The following PDE4D variants were observed in gnomAD, a reference collection of about 807,000 sequenced individuals.
The protein encoded by PDE4D is 3',5'-cyclic-AMP phosphodiesterase 4D.
In PDE4D, 24 loss-of-function variants were observed where a neutral mutation model predicts 87.4. The observed-to-expected ratio is 0.27, with a 90% CI of 0.20 to 0.39. The LOEUF (loss-of-function observed/expected upper bound fraction) is 0.39. PDE4D is among the 10% of genes least tolerant of loss of function. PDE4D has a pLI of 1.00. For synonymous variants in PDE4D, 384 were observed against 383.2 expected (o/e 1.00, Z -0.02); for missense variants, 714 against 1,041.0 (o/e 0.69, Z 4.32).
intron 6 of PDE4D, among the ~76,000 whole-genome samples, chr5:59,030,438 A>AC (rs920766860): frequency 6.6e-6 from 1 of 150,812 alleles, no homozygotes; most frequent in Non-Finnish European, 1.5e-5. Context: ...AAAAAAAAAA[A>AC]AAAAAAAACA....
At chr5:59,579,684 T>C (rs919217810) in intron 1 of PDE4D, among the ~76,000 whole-genome samples, 4 of 152,170 alleles carry the variant, frequency 2.6e-5, no homozygotes, top group Admixed American at 6.5e-5. Flanking sequence ...AGATGGTGAA[T>C]AGAGCTGAAT....
intron 5 of PDE4D, among the ~76,000 whole-genome samples, chr5:59,078,361 T>A (rs994209630): frequency 1.3e-5 from 2 of 152,192 alleles, no homozygotes; most frequent in Non-Finnish European, 2.9e-5. Flanking sequence ...TTTTGATTTT[T>A]AAAAATTACC....
chr5:58,983,725 TGCAGAGCA>T (rs1414757648), intron 11 of PDE4D, among the ~76,000 whole-genome samples: 4 of 152,200 alleles, frequency 2.6e-5, no homozygotes, highest in African/African-American at 9.7e-5. Context: ...GTGGCCCATG[TGCAGAGCA>T]GCTTGCACAG....
intron 2 of PDE4D, among the ~76,000 whole-genome samples, chr5:60,095,125 G>A (rs928298776): frequency 3.3e-5 from 5 of 152,072 alleles, no homozygotes; most frequent in African/African-American, 1.2e-4. Context: ...AGGTATACAC[G>A]TGCCATGGTG....
chr5:59,853,219 T>A (rs1465574790), intron 1 of PDE4D, among the ~76,000 whole-genome samples: 1 of 152,058 alleles, frequency 6.6e-6, no homozygotes, highest in African/African-American at 2.4e-5. Context: ...AGGAGGAATT[T>A]AAATGCCATA....
At chr5:59,944,116 G>A (rs79186801) in intron 3 of PDE4D, among the ~76,000 whole-genome samples, 3,953 of 152,316 alleles carry the variant, frequency 0.026, 169 homozygotes, top group African/African-American at 0.091. Flanking sequence ...CAACTCAGAG[G>A]AGACTAAGGA....
chr5:59,692,447 T>C (rs1323544482), intron 1 of PDE4D, among the ~76,000 whole-genome samples: 1 of 152,200 alleles, frequency 6.6e-6, no homozygotes, highest in East Asian at 1.9e-4. Flanking sequence ...AAAATCTTCA[T>C]CTTTTTCCAA....
At chr5:59,230,550 A>G (rs1013216150) in intron 1 of PDE4D, among the ~76,000 whole-genome samples, 2 of 152,246 alleles carry the variant, frequency 1.3e-5, no homozygotes, top group Non-Finnish European at 2.9e-5. Flanking sequence ...TTAAAATATT[A>G]TGTGTTAAGT....
chr5:60,062,771 T>C (rs528183110), intron 2 of PDE4D, among the ~76,000 whole-genome samples: 24 of 152,072 alleles, frequency 1.6e-4, no homozygotes, highest in Admixed American at 9.2e-4. Context: ...TGCAGGGACA[T>C]GGATGAAGCT....
chr5:60,188,687 A>G (rs1016530678), intron 1 of PDE4D, among the ~76,000 whole-genome samples: 3 of 152,178 alleles, frequency 2.0e-5, no homozygotes, highest in Non-Finnish European at 4.4e-5. Flanking sequence ...AAAAATCTCT[A>G]TAATGTATCA....
chr5:59,440,490 T>C (rs945682996), intron 1 of PDE4D, among the ~76,000 whole-genome samples: 15 of 152,204 alleles, frequency 9.9e-5, no homozygotes, highest in African/African-American at 3.6e-4. Flanking sequence ...GAATTTTTCA[T>C]GTAACACTGG....
intron 1 of PDE4D, among the ~76,000 whole-genome samples, chr5:59,871,838 C>T (rs1010587576): frequency 1.3e-5 from 2 of 152,126 alleles, no homozygotes; most frequent in Non-Finnish European, 2.9e-5. Flanking sequence ...CAGCTAGAAA[C>T]CTCGGGGTCA....
intron 1 of PDE4D, among the ~76,000 whole-genome samples, chr5:59,236,345 A>G (rs1363687102): frequency 2.6e-5 from 4 of 152,174 alleles, no homozygotes; most frequent in Admixed American, 1.3e-4. Flanking sequence ...GGACTTAGCT[A>G]TTTCATCAAT....
intron 5 of PDE4D, among the ~76,000 whole-genome samples, chr5:59,046,989 C>T (rs1404500792): frequency 6.6e-6 from 1 of 152,148 alleles, no homozygotes; most frequent in African/African-American, 2.4e-5. Context: ...ACTAATCTTT[C>T]TAGGGCCTTA....
At chr5:59,853,321 C>A (rs1295347685) in intron 1 of PDE4D, among the ~76,000 whole-genome samples, 1 of 151,900 alleles carries the variant, frequency 6.6e-6, no homozygotes, top group Non-Finnish European at 1.5e-5. Flanking sequence ...AGAGGCCATA[C>A]AAATTCACAA....
At chr5:59,312,939 C>T (rs2153566916) in intron 1 of PDE4D, among the ~76,000 whole-genome samples, 1 of 152,170 alleles carries the variant, frequency 6.6e-6, no homozygotes, top group Admixed American at 6.5e-5. Flanking sequence ...CCAAATGGGC[C>T]AAATGGGAGG....
intron 1 of PDE4D, among the ~76,000 whole-genome samples, chr5:59,790,206 T>A (rs1035443246): frequency 2.6e-5 from 4 of 152,220 alleles, no homozygotes; most frequent in African/African-American, 9.7e-5. Flanking sequence ...CCTTGTCTAC[T>A]TTCAAACAAC....
In PDE4D at chr5:59,930,163, C is replaced by CAAA. The variant is rs35465849; in HGVS notation, c.272+58322_272+58324dup. Among the ~76,000 whole-genome samples, 530 of 82,584 alleles carry CAAA rather than the reference C, an allele frequency of 6.4e-3. 4 individuals carry two copies. Among genetic ancestry groups the CAAA allele is most frequent in the African/African-American group, 0.021 (388 of 18,686 alleles). The allele number at this position is 82,584 out of a possible 152,430, so 54.2% of individuals were successfully genotyped here. On this transcript the variant is annotated intron_variant, in intron 3 of 16. Transcript: ENST00000502484. ...GGGCAACAGAGCGAGACTCCGTCTC[C>CAAA]AAAAAAAAAAAAAAAAAAAAAAACC...
At chr5:59,058,749 T>C (rs141524776) in intron 5 of PDE4D, among the ~76,000 whole-genome samples, 1,836 of 151,908 alleles carry the variant, frequency 0.012, 44 homozygotes, top group African/African-American at 0.042. Flanking sequence ...AACAGACACC[T>C]GTCTACAAAG....
Sources: gnomAD v4.1 joint callset for allele counts (sites outside exome capture counted in the v4.1 genomes callset) on GRCh38, gnomAD v4.1.1 for gene constraint, MANE v1.5 for transcripts, NCBI Gene and HGNC (gene_info 2026-07-23, HGNC 2026-07-21) for gene names.